The following STXBP5 variants were observed in gnomAD, a reference collection of about 807,000 sequenced individuals.
STXBP5 encodes syntaxin binding protein 5.
In STXBP5, 50 loss-of-function variants were observed where a neutral mutation model predicts 152.4. The observed-to-expected ratio is 0.33, with a 90% CI of 0.26 to 0.42. The LOEUF (loss-of-function observed/expected upper bound fraction) is 0.42. Ranked by LOEUF, STXBP5 falls within the 10% of genes least tolerant of loss-of-function variation. The probability of loss-of-function intolerance (pLI) is 1.00; values close to 1 mark genes in which losing one functional copy is unlikely to be tolerated. For synonymous variants in STXBP5, 492 were observed against 494.7 expected (o/e 0.99, Z 0.07); for missense variants, 1,167 against 1,388.6 (o/e 0.84, Z 2.54).
At chr6:147,315,872 C>CT in intron 15 of STXBP5, 137 bp downstream of exon 15, 1 of 724,878 alleles carries the variant, frequency 1.4e-6, no homozygotes, top group Non-Finnish European at 2.3e-6. Flanking sequence ...ATTATTATCT[C>CT]TCTTTTGTAA....
intron 26 of STXBP5, among the ~76,000 whole-genome samples, chr6:147,380,182 A>G (rs1411194629): frequency 3.7e-5 from 2 of 53,968 alleles, no homozygotes; most frequent in East Asian, 6.7e-4. Flanking sequence ...GTACACACAC[A>G]CACACACACA....
intron 17 of STXBP5, 125 bp from the exon 18 acceptor site, chr6:147,327,000 G>C: frequency 1.3e-6 from 1 of 785,626 alleles, no homozygotes; most frequent in Non-Finnish European, 2.0e-6. Flanking sequence ...TCCTATAGTT[G>C]TCTTTTGTTT....
At chr6:147,228,888 A>G (rs886420205) in intron 2 of STXBP5, among the ~76,000 whole-genome samples, 5 of 152,076 alleles carry the variant, frequency 3.3e-5, no homozygotes, top group Non-Finnish European at 7.4e-5. Context: ...TTTACAAGGG[A>G]AAGATATTTT....
At chr6:147,243,516 G>C (rs1010450659) in intron 4 of STXBP5, among the ~76,000 whole-genome samples, 2 of 152,100 alleles carry the variant, frequency 1.3e-5, no homozygotes, top group Non-Finnish European at 2.9e-5. Flanking sequence ...TTTTGTCCTA[G>C]TCTGTGACTT....
intron 11 of STXBP5, among the ~76,000 whole-genome samples, chr6:147,312,452 T>G (rs1782430871): frequency 6.6e-6 from 1 of 152,206 alleles, no homozygotes; most frequent in South Asian, 2.1e-4. Flanking sequence ...CAAGGGTGAT[T>G]TTTGCATTCC....
intron 4 of STXBP5, among the ~76,000 whole-genome samples, chr6:147,258,725 G>A (rs150723610): frequency 1.4e-4 from 22 of 152,192 alleles, no homozygotes; most frequent in African/African-American, 2.9e-4. Flanking sequence ...GAGCCACCGC[G>A]CCCAGCCCAT....
chr6:147,262,733 G>A (rs1013555172), intron 6 of STXBP5, among the ~76,000 whole-genome samples: 1 of 151,544 alleles, frequency 6.6e-6, no homozygotes, highest in Non-Finnish European at 1.5e-5. Context: ...ATTGCCTTAC[G>A]TTATAGTTGT....
chr6:147,302,768 T>G (rs1781887366), intron 9 of STXBP5, among the ~76,000 whole-genome samples: 1 of 152,184 alleles, frequency 6.6e-6, no homozygotes, highest in African/African-American at 2.4e-5. Context: ...TGAGCCAAGA[T>G]GGTGCCATTG....
chr6:147,269,821 G>A (rs924941870), intron 7 of STXBP5, among the ~76,000 whole-genome samples: 8 of 152,174 alleles, frequency 5.3e-5, no homozygotes, highest in African/African-American at 1.9e-4. Context: ...GATCATTAGT[G>A]AACTGTGGTA....
At chr6:147,261,681 G>A in intron 5 of STXBP5, among the ~76,000 whole-genome samples, 1 of 151,872 alleles carries the variant, frequency 6.6e-6, no homozygotes, top group South Asian at 2.1e-4. Flanking sequence ...AATTGATCAT[G>A]ACATCTACTA....
chr6:147,272,406 T>C (rs1780217631), intron 7 of STXBP5, among the ~76,000 whole-genome samples: 3 of 152,226 alleles, frequency 2.0e-5, no homozygotes, highest in African/African-American at 7.2e-5. Context: ...ATGACGGTGT[T>C]AAGTTAGGTA....
At chr6:147,217,813 A>G (rs1453194128) in intron 2 of STXBP5, among the ~76,000 whole-genome samples, 1 of 152,304 alleles carries the variant, frequency 6.6e-6, no homozygotes, top group South Asian at 2.1e-4. Flanking sequence ...ACTGTTGGAC[A>G]TTTGTAAAAT....
At chr6:147,347,683 A>C (rs1193574432) in intron 21 of STXBP5, among the ~76,000 whole-genome samples, 1 of 152,228 alleles carries the variant, frequency 6.6e-6, no homozygotes, top group African/African-American at 2.4e-5. Context: ...AGTTACAGAA[A>C]TATTTCAACC....
intron 25 of STXBP5, among the ~76,000 whole-genome samples, chr6:147,369,631 C>T (rs1289989468): frequency 6.6e-6 from 1 of 151,660 alleles, no homozygotes; most frequent in Non-Finnish European, 1.5e-5. Context: ...GAGAAACAAC[C>T]CAATAAAAAC....
At chr6:147,213,479 C>T (rs553514986) in intron 2 of STXBP5, among the ~76,000 whole-genome samples, 132 of 94,266 alleles carry the variant, frequency 1.4e-3, no homozygotes, top group South Asian at 2.6e-3. Context: ...TGTGTGTGTG[C>T]GCGCGCATAT....
intron 25 of STXBP5, among the ~76,000 whole-genome samples, chr6:147,369,147 AG>A (rs1785430208): frequency 2.0e-5 from 3 of 152,086 alleles, no homozygotes; most frequent in African/African-American, 7.2e-5. Flanking sequence ...GGATCAGAAT[AG>A]AATATCCAGA....
chr6:147,382,373 G>A (rs996558262), intron 26 of STXBP5, among the ~76,000 whole-genome samples: 2 of 152,240 alleles, frequency 1.3e-5, no homozygotes, highest in Non-Finnish European at 1.5e-5. Context: ...TGTGGAGTAA[G>A]TAAACATAAT....
intron 22 of STXBP5, among the ~76,000 whole-genome samples, chr6:147,355,452 G>A (rs138143295): frequency 6.6e-6 from 1 of 152,092 alleles, no homozygotes; most frequent in African/African-American, 2.4e-5. Context: ...GACAAATTTT[G>A]TCTGAGTTTA....
chr6:147,346,726 T>C lies in STXBP5; in HGVS notation c.2255-6597T>C, dbSNP rs561918486. Among the ~76,000 whole-genome samples the C allele has an allele frequency of 5.3e-5, 8 of 151,696 alleles. No individual in the cohort carries two copies. In the South Asian group the frequency reaches 1.7e-3, roughly 32 times the overall value. On this transcript the variant is annotated intron_variant, in intron 21 of 27. Coordinates refer to ENST00000321680, the MANE Select transcript of STXBP5 (RefSeq NM_001127715.4). Reference sequence around the variant, plus strand: ...CTTCACTCCAGTGTGGGTGACAGGGTGAGTCTCCTCAAAAAAAAAAATACA... The same window carrying C: ...CTTCACTCCAGTGTGGGTGACAGGGCGAGTCTCCTCAAAAAAAAAAATACA...
Sources: gnomAD v4.1 joint callset for allele counts (sites outside exome capture counted in the v4.1 genomes callset) on GRCh38, gnomAD v4.1.1 for gene constraint, MANE v1.5 for transcripts, NCBI Gene and HGNC (gene_info 2026-07-23, HGNC 2026-07-21) for gene names.